The following CACNB2 variants were observed in gnomAD, a reference collection of about 807,000 sequenced individuals.
The protein encoded by CACNB2 is voltage-dependent L-type calcium channel subunit beta-2.
In CACNB2, 42 loss-of-function variants were observed where a neutral mutation model predicts 73.3. The ratio of observed to expected loss-of-function variants is 0.57; its 90% CI spans 0.45 to 0.74. The LOEUF (loss-of-function observed/expected upper bound fraction) is 0.74, where lower values mean the gene tolerates loss of function less well. CACNB2 is among the 30% of genes least tolerant of loss of function. The pLI is 0.00. For missense variants in CACNB2, 940 were observed against 853.0 expected (o/e 1.10, Z -1.27); for synonymous variants, 348 against 310.3 (o/e 1.12, Z -1.28).
chr10:18,400,394 T>C (rs1325194456), intron 2 of CACNB2, among the ~76,000 whole-genome samples: 1 of 152,180 alleles, frequency 6.6e-6, no homozygotes, highest in Non-Finnish European at 1.5e-5. Context: ...CAGACACACA[T>C]ACCACGAGCC....
At chr10:18,440,990 GAA>G (rs1278425666) in intron 3 of CACNB2, among the ~76,000 whole-genome samples, 2 of 152,212 alleles carry the variant, frequency 1.3e-5, no homozygotes, top group Non-Finnish European at 2.9e-5. Flanking sequence ...CCTCATAAAA[GAA>G]AAACACTGAT....
chr10:18,485,627 T>C (rs1244647829), intron 3 of CACNB2, among the ~76,000 whole-genome samples: 1 of 147,530 alleles, frequency 6.8e-6, no homozygotes, highest in African/African-American at 2.5e-5. Context: ...AGTGGAACAA[T>C]CTTGGCTCAC....
chr10:18,405,532 T>A (rs67008723), intron 3 of CACNB2, among the ~76,000 whole-genome samples: 21,086 of 152,190 alleles, frequency 0.14, 1,928 homozygotes, highest in African/African-American at 0.26. Flanking sequence ...GCTGGGTCAC[T>A]TGATCATCTC....
At chr10:18,385,137 G>T (rs1197714057) in intron 2 of CACNB2, among the ~76,000 whole-genome samples, 1 of 152,016 alleles carries the variant, frequency 6.6e-6, no homozygotes, top group Non-Finnish European at 1.5e-5. Flanking sequence ...AAAAAAATTA[G>T]CTGGGCATGG....
intron 3 of CACNB2, among the ~76,000 whole-genome samples, chr10:18,494,636 A>T (rs1681287678): frequency 6.6e-6 from 1 of 150,990 alleles, no homozygotes; most frequent in Non-Finnish European, 1.5e-5. Flanking sequence ...CGTCTCAAAA[A>T]AAAAAAAAAA....
chr10:18,410,806 C>G (rs544127537), intron 3 of CACNB2, among the ~76,000 whole-genome samples: 2 of 152,062 alleles, frequency 1.3e-5, no homozygotes, highest in South Asian at 4.1e-4. Flanking sequence ...ATGGTGAAAC[C>G]CCATCTCTAC....
intron 2 of CACNB2, among the ~76,000 whole-genome samples, chr10:18,358,784 A>G (rs1258745861): frequency 6.6e-6 from 1 of 152,198 alleles, no homozygotes; most frequent in Admixed American, 6.5e-5. Flanking sequence ...TAAGAAACAA[A>G]CAATAGAATA....
chr10:18,151,361 T>C (rs2031543536), intron 2 of CACNB2: 1 of 182,550 alleles, frequency 5.5e-6, no homozygotes, highest in African/African-American at 2.4e-5. Flanking sequence ...TTGAGCTTTC[T>C]TCTTCTCACT....
chr10:18,530,668 C>CATATATTG (rs1564660220), intron 10 of CACNB2, among the ~76,000 whole-genome samples: 1 of 152,164 alleles, frequency 6.6e-6, no homozygotes, highest in African/African-American at 2.4e-5. Context: ...TCCCACTGTA[C>CATATATTG]ATATATTGCT....
At chr10:18,370,975 A>T (rs1328770299) in intron 2 of CACNB2, among the ~76,000 whole-genome samples, 1 of 152,128 alleles carries the variant, frequency 6.6e-6, no homozygotes, top group Non-Finnish European at 1.5e-5. Context: ...TTTTTCTTTC[A>T]CAAAGATTCC....
chr10:18,515,107 T>C, intron 7 of CACNB2: 1 of 1,281,668 alleles, frequency 7.8e-7, no homozygotes. Flanking sequence ...ATCAGTCAGA[T>C]TTTACCATCT....
At chr10:18,329,758 A>G (rs570033791) in intron 2 of CACNB2, among the ~76,000 whole-genome samples, 9 of 152,262 alleles carry the variant, frequency 5.9e-5, no homozygotes, top group African/African-American at 2.2e-4. Flanking sequence ...CTTTTATCCC[A>G]AATTCATTGT....
chr10:18,306,584 T>A (rs887129075), intron 2 of CACNB2, among the ~76,000 whole-genome samples: 8 of 152,090 alleles, frequency 5.3e-5, no homozygotes, highest in African/African-American at 1.9e-4. Flanking sequence ...AGCATTACGG[T>A]GGGGTCAGGG....
chr10:18,189,343 G>A (rs957521120), intron 2 of CACNB2, among the ~76,000 whole-genome samples: 7 of 152,096 alleles, frequency 4.6e-5, no homozygotes. Flanking sequence ...TAATATAGCA[G>A]AAAGTGATAA....
intron 2 of CACNB2, among the ~76,000 whole-genome samples, chr10:18,393,438 A>G (rs1462360301): frequency 6.6e-6 from 1 of 152,194 alleles, no homozygotes; most frequent in Non-Finnish European, 1.5e-5. Context: ...CTCTTCTATA[A>G]ACTGTAAATA....
At chr10:18,437,251 T>A (rs1385858571) in intron 3 of CACNB2, among the ~76,000 whole-genome samples, 1 of 152,168 alleles carries the variant, frequency 6.6e-6, no homozygotes, top group Non-Finnish European at 1.5e-5. Flanking sequence ...ATGAGAAGTT[T>A]TCAGAGGATT....
chr10:18,225,455 G>A (rs1273620103), intron 2 of CACNB2, among the ~76,000 whole-genome samples: 1 of 152,166 alleles, frequency 6.6e-6, no homozygotes, highest in African/African-American at 2.4e-5. Flanking sequence ...GTCCAGGACT[G>A]AACCAGGATT....
At chr10:18,457,601 T>A (rs886234075) in intron 3 of CACNB2, among the ~76,000 whole-genome samples, 2 of 152,154 alleles carry the variant, frequency 1.3e-5, no homozygotes, top group African/African-American at 4.8e-5. Flanking sequence ...AAAGAAAAAT[T>A]AGGAGAGGGC....
At chr10:18,464,048 T>A (rs532229329) in intron 3 of CACNB2, among the ~76,000 whole-genome samples, 1 of 152,218 alleles carries the variant, frequency 6.6e-6, no homozygotes, top group Admixed American at 6.6e-5. Flanking sequence ...CATCGTCTTA[T>A]CTTACCCAAG....
Sources: gnomAD v4.1 joint callset for allele counts (sites outside exome capture counted in the v4.1 genomes callset) on GRCh38, gnomAD v4.1.1 for gene constraint, MANE v1.5 for transcripts, NCBI Gene and HGNC (gene_info 2026-07-23, HGNC 2026-07-21) for gene names.